The following IFT140 variants were observed in gnomAD, a reference collection of about 807,000 sequenced individuals.
The protein encoded by IFT140 is intraflagellar transport 140.
A neutral mutation model predicts 164.6 loss-of-function variants in IFT140; 133 were observed. The observed-to-expected ratio is 0.81, with a 90% CI of 0.70 to 0.93. The LOEUF is 0.93. Among genes scored for constraint, IFT140 ranks in the 40% least tolerant of loss-of-function variants. IFT140 has a pLI of 0.00. For synonymous variants in IFT140, 860 were observed against 817.3 expected (o/e 1.05, Z -0.89); for missense variants, 2,045 against 1,972.3 (o/e 1.04, Z -0.70).
intron 17 of IFT140, among the ~76,000 whole-genome samples, chr16:1,562,498 G>A (rs1176310496): frequency 1.3e-5 from 2 of 152,174 alleles, no homozygotes; most frequent in African/African-American, 2.4e-5. Context: ...AGCAGGCTGC[G>A]CACAGTGGCT....
chr16:1,540,281 G>A (rs2031506534), intron 19 of IFT140, among the ~76,000 whole-genome samples: 1 of 152,258 alleles, frequency 6.6e-6, no homozygotes, highest in Non-Finnish European at 1.5e-5. Context: ...TTCAATAAAT[G>A]TTGAGGTTGA....
intron 29 of IFT140, 25 bp from the exon 30 acceptor site, chr16:1,518,382 G>A (rs1347234659): frequency 6.2e-7 from 1 of 1,603,458 alleles, no homozygotes; most frequent in Non-Finnish European, 8.5e-7. Context: ...GATGAGGCCT[G>A]GGCCCCGAAG....
intron 30 of IFT140, 39 bp downstream of exon 30, chr16:1,518,177 G>A (rs1413246382): frequency 1.9e-6 from 3 of 1,569,666 alleles, no homozygotes; most frequent in Non-Finnish European, 2.6e-6. Context: ...GGAGCCTTGT[G>A]TGGCGGGATG....
chr16:1,547,647 C>T (rs954727187), intron 19 of IFT140, among the ~76,000 whole-genome samples: 16 of 152,174 alleles, frequency 1.1e-4, no homozygotes, highest in African/African-American at 3.9e-4. Context: ...AGTGATTCTC[C>T]TGCCTCAGCC....
intron 4 of IFT140, among the ~76,000 whole-genome samples, chr16:1,593,124 G>C (rs528562468): frequency 6.6e-6 from 1 of 152,198 alleles, no homozygotes; most frequent in Non-Finnish European, 1.5e-5. Context: ...GAAGGCAAAA[G>C]TTAAACTGTG....
At chr16:1,597,764 ATAATC>A (rs1307720355) in intron 4 of IFT140, among the ~76,000 whole-genome samples, 2 of 152,254 alleles carry the variant, frequency 1.3e-5, no homozygotes, top group Non-Finnish European at 2.9e-5. Flanking sequence ...TTATGCCTGG[ATAATC>A]TATTTTGCTA....
intron 19 of IFT140, among the ~76,000 whole-genome samples, chr16:1,549,155 C>T (rs943376060): frequency 2.0e-5 from 3 of 152,244 alleles, no homozygotes; most frequent in Non-Finnish European, 4.4e-5. Context: ...CGTCCGAGGG[C>T]GCTGTCCTAA....
intron 13 of IFT140, chr16:1,576,859 A>T (rs1441191982): frequency 6.6e-6 from 1 of 152,186 alleles, no homozygotes; most frequent in East Asian, 1.9e-4. Context: ...GCAGACAGGG[A>T]GCTGTGGCCC....
chr16:1,552,936 A>T (rs1470278138), intron 19 of IFT140: 1 of 983,480 alleles, frequency 1.0e-6, no homozygotes, highest in African/African-American at 1.8e-5. Flanking sequence ...TATAGGCGTA[A>T]ACCACTGTGC....
intron 4 of IFT140, among the ~76,000 whole-genome samples, chr16:1,593,551 C>T (rs12446250): frequency 0.053 from 8,063 of 152,182 alleles, 446 homozygotes; most frequent in Admixed American, 0.17. Context: ...ATCTGGCCGC[C>T]GTGTCTCCTC....
intron 4 of IFT140, among the ~76,000 whole-genome samples, chr16:1,593,315 CTTTT>C (rs796687743): frequency 6.8e-6 from 1 of 146,142 alleles, no homozygotes; most frequent in African/African-American, 2.5e-5. Flanking sequence ...TTAAAATAAA[CTTTT>C]TTTTTTTTTT....
chr16:1,518,043 G>A (rs752359254), intron 30 of IFT140, 173 bp downstream of exon 30: 43 of 580,262 alleles, frequency 7.4e-5, no homozygotes, highest in African/African-American at 6.5e-4. Context: ...TCACCATGTC[G>A]CCCAGGCTGC....
chr16:1,542,771 C>T (rs1053333681), intron 19 of IFT140, among the ~76,000 whole-genome samples: 14 of 152,354 alleles, frequency 9.2e-5, no homozygotes, highest in Middle Eastern at 3.4e-3. Context: ...CCCTGGCTTC[C>T]CCAAGCCGCC....
intron 14 of IFT140, 23 bp downstream of exon 14, chr16:1,571,384 T>G: frequency 6.2e-7 from 1 of 1,607,936 alleles, no homozygotes. Flanking sequence ...ATGTTCACAC[T>G]TCTATTTGGA....
chr16:1,590,279 C>T (rs920522994), intron 6 of IFT140, among the ~76,000 whole-genome samples: 1 of 151,766 alleles, frequency 6.6e-6, no homozygotes, highest in African/African-American at 2.4e-5. Context: ...TTCATGGGTT[C>T]AGCTCAGCCT....
intron 24 of IFT140, 185 bp from the exon 25 acceptor site, chr16:1,524,141 C>A (rs2040604014): frequency 1.3e-6 from 1 of 764,950 alleles, no homozygotes; most frequent in Non-Finnish European, 2.0e-6. Flanking sequence ...TTTTCCGATG[C>A]TCTGGGTTCT....
Position 1,592,571 on chromosome 16 carries a change from C to T in IFT140, c.387G>A (p.Leu129=), listed in dbSNP as rs369420968. 6 of 1,614,170 alleles carry T rather than the reference C, an allele frequency of 3.7e-6. No individual in the cohort carries two copies. The highest frequency in any genetic ancestry group is 8.5e-7 in the Non-Finnish European group (1 of 1,180,014). ...LSGDRLGVLL[L]WRLDQRGRVQ... is the part of the protein sequence containing the mutation. ...CTCGGCCCCTTTGGTCCAACCTCCA[C>T]AAGAGCAAGACACCAAGCTGGAAAG... The change falls in exon 5 of 31, where the codon TTG becomes TTA. Residue 129 remains leucine, a synonymous_variant. Transcript: ENST00000426508.
rs1225235385 is a variant in IFT140, at chr16:1,518,257, A to C, written c.4141T>G (p.Phe1381Val). 6.2e-7 allele frequency: 1 copy of C among 1,614,132 alleles called. No individual in the cohort carries two copies. The highest frequency in any genetic ancestry group is 2.2e-5 in the East Asian group (1 of 44,850). Residue 1381 changes from phenylalanine to valine, a missense_variant, in exon 30 of 31, where the codon TTC becomes GTC. Physicochemically the swap from Phe to Val is conservative, Grantham distance 50. Coordinates refer to ENST00000426508, the MANE Select transcript of IFT140 (RefSeq NM_014714.4). ...STIRIGDVYGFLVEHYVRKEE... is the reference protein window; with the variant it reads ...STIRIGDVYGVLVEHYVRKEE... ...TTCCGCACGTAGTGCTCCACCAGGAAGCCATAGACGTCCCCGATGCGGATG... is the reference window on the plus strand; with the variant it reads ...TTCCGCACGTAGTGCTCCACCAGGACGCCATAGACGTCCCCGATGCGGATG...
At chr16:1,524,126 A>G (rs937812270) in intron 24 of IFT140, 170 bp from the exon 25 acceptor site, 12 of 864,314 alleles carry the variant, frequency 1.4e-5, no homozygotes, top group African/African-American at 1.4e-4. Flanking sequence ...GTTTGTCTAC[A>G]AGGATTTTCC....
Sources: gnomAD v4.1 joint callset for allele counts (sites outside exome capture counted in the v4.1 genomes callset) on GRCh38, gnomAD v4.1.1 for gene constraint, MANE v1.5 for transcripts, NCBI Gene and HGNC (gene_info 2026-07-23, HGNC 2026-07-21) for gene names.